The following SLC25A26 variants were observed in gnomAD, a reference collection of about 807,000 sequenced individuals.
The protein encoded by SLC25A26 is mitochondrial S-adenosylmethionine carrier protein.
In SLC25A26, 36 loss-of-function variants were observed where a neutral mutation model predicts 37.8. That is an observed-to-expected ratio of 0.95 (90% CI 0.73 to 1.26). The LOEUF (loss-of-function observed/expected upper bound fraction) is 1.26. Among genes scored for constraint, SLC25A26 ranks in the 50% most tolerant of loss-of-function variants. The pLI is 0.00. For missense variants in SLC25A26, 390 were observed against 331.1 expected, an observed-to-expected ratio of 1.18 and a Z score of -1.38; for synonymous variants, 129 against 122.5, an observed-to-expected ratio of 1.05 and a Z score of -0.35.
At chr3:66,317,147 C>G (rs1369504912) in intron 5 of SLC25A26, among the ~76,000 whole-genome samples, 2 of 152,178 alleles carry the variant, frequency 1.3e-5, no homozygotes, top group Non-Finnish European at 2.9e-5. Flanking sequence ...TGTGCCCTTG[C>G]TGGAGACATG....
chr3:66,314,064 A>C (rs1430990945), intron 5 of SLC25A26, among the ~76,000 whole-genome samples: 1 of 152,200 alleles, frequency 6.6e-6, no homozygotes, highest in Non-Finnish European at 1.5e-5. Context: ...TGTCATCTGC[A>C]AACAGAGACA....
At chr3:66,374,104 C>T (rs1307825952) in intron 9 of SLC25A26, among the ~76,000 whole-genome samples, 1 of 152,224 alleles carries the variant, frequency 6.6e-6, no homozygotes, top group Non-Finnish European at 1.5e-5. Context: ...TTTTCACTGG[C>T]ATATGCACTA....
chr3:66,225,069 G>T (rs1269987812), intron 1 of SLC25A26, among the ~76,000 whole-genome samples: 1 of 152,140 alleles, frequency 6.6e-6, no homozygotes, highest in African/African-American at 2.4e-5. Context: ...CAGGGTTCAA[G>T]CTGTCAGTGG....
At chr3:66,304,340 T>C (rs764296811) in intron 5 of SLC25A26, 79 of 432,404 alleles carry the variant, frequency 1.8e-4, no homozygotes, top group Non-Finnish European at 2.4e-4. Flanking sequence ...AAAAAGATTC[T>C]GGAGCATACT....
At chr3:66,290,869 G>T (rs781713706) in intron 5 of SLC25A26, among the ~76,000 whole-genome samples, 48 of 152,130 alleles carry the variant, frequency 3.2e-4, no homozygotes, top group Non-Finnish European at 5.9e-4. Context: ...CTATTGTTTG[G>T]AATAGTTTCA....
At chr3:66,219,380 A>G (rs911018805), upstream of SLC25A26, among the ~76,000 whole-genome samples, 14 of 152,178 alleles carry the variant, frequency 9.2e-5, no homozygotes, top group Non-Finnish European at 1.8e-4. Context: ...TGGCAAAAGG[A>G]ATTTTTCAGA....
At chr3:66,204,176 A>G (rs1283803662) in intron 1 of SLC25A26, among the ~76,000 whole-genome samples, 2 of 152,302 alleles carry the variant, frequency 1.3e-5, no homozygotes, top group South Asian at 2.1e-4. Flanking sequence ...CTGTAATCCC[A>G]GCACTTTGGG....
intron 5 of SLC25A26, among the ~76,000 whole-genome samples, chr3:66,276,494 G>GT (rs2074151982): frequency 6.6e-6 from 1 of 152,198 alleles, no homozygotes; most frequent in South Asian, 2.1e-4. Context: ...GGATTCTAAA[G>GT]GATAGAAATG....
At chr3:66,257,777 A>G (rs2073362174) in intron 3 of SLC25A26, among the ~76,000 whole-genome samples, 1 of 152,102 alleles carries the variant, frequency 6.6e-6, no homozygotes, top group Non-Finnish European at 1.5e-5. Flanking sequence ...ACACCTAGCC[A>G]TCTTCACACG....
intron 5 of SLC25A26, among the ~76,000 whole-genome samples, chr3:66,320,960 T>C (rs1341299559): frequency 1.3e-5 from 2 of 152,186 alleles, no homozygotes; most frequent in African/African-American, 4.8e-5. Flanking sequence ...AATTCTTACA[T>C]TGAAGTTCCA....
At chr3:66,239,818 T>TTC (rs1242405927) in intron 2 of SLC25A26, among the ~76,000 whole-genome samples, 1 of 91,292 alleles carries the variant, frequency 1.1e-5, no homozygotes, top group African/African-American at 4.3e-5. Context: ...CTTTCTTTCT[T>TTC]TTTTTTTTTT....
chr3:66,353,224 A>AT (rs1026900293), intron 6 of SLC25A26, among the ~76,000 whole-genome samples: 21 of 152,238 alleles, frequency 1.4e-4, no homozygotes, highest in African/African-American at 4.6e-4. Context: ...TTACCAGGTG[A>AT]TTTTTTAGTG....
chr3:66,297,634 G>T (rs1445611263), intron 5 of SLC25A26, among the ~76,000 whole-genome samples: 1 of 152,118 alleles, frequency 6.6e-6, no homozygotes, highest in Non-Finnish European at 1.5e-5. Context: ...TGACCTGTGG[G>T]CCTAATCCAG....
chr3:66,259,421 C>A (rs2073434450), intron 3 of SLC25A26, among the ~76,000 whole-genome samples: 3 of 152,126 alleles, frequency 2.0e-5, no homozygotes, highest in Admixed American at 6.5e-5. Flanking sequence ...CCTTACCTGT[C>A]CCCCAGACTT....
intron 1 of SLC25A26, among the ~76,000 whole-genome samples, chr3:66,182,291 G>T (rs141689421): frequency 0.22 from 33,915 of 152,048 alleles, 4,427 homozygotes; most frequent in South Asian, 0.37. Flanking sequence ...ATTTCATATT[G>T]CAATTTGTTA....
intron 1 of SLC25A26, among the ~76,000 whole-genome samples, chr3:66,196,762 T>A (rs2071049895): frequency 6.6e-6 from 1 of 152,190 alleles, no homozygotes; most frequent in African/African-American, 2.4e-5. Flanking sequence ...ATACCCTATA[T>A]AATCAACCAT....
Position 66,337,452 on chromosome 3 carries a change from A to T in SLC25A26, c.454-8912A>T, listed in dbSNP as rs1331013637. On this transcript the variant is annotated intron_variant, in intron 5 of 9. Transcript: ENST00000354883. ...AATAAGCCATCAATGAGGGACAGTT[A>T]AATATTATGAAATTCTCTGCATTAG... Among the ~76,000 whole-genome samples, 10 of 152,260 alleles carry T rather than the reference A, an allele frequency of 6.6e-5. No individual in the cohort carries two copies. The East Asian group carries it at 1.9e-3, about 29-fold the overall frequency.
intron 1 of SLC25A26, among the ~76,000 whole-genome samples, chr3:66,206,898 T>G (rs1001988864): frequency 2.7e-5 from 4 of 147,596 alleles, no homozygotes; most frequent in Non-Finnish European, 4.5e-5. Flanking sequence ...TTCTTTCTTT[T>G]TTTTTTTTTT....
chr3:66,346,918 G>A (rs332353), intron 6 of SLC25A26, among the ~76,000 whole-genome samples: 82,881 of 151,882 alleles, frequency 0.55, 24,832 homozygotes, highest in African/African-American at 0.79. Flanking sequence ...TGTCCCTTCC[G>A]TCTTGGTTGC....
Sources: gnomAD v4.1 joint callset for allele counts (sites outside exome capture counted in the v4.1 genomes callset) on GRCh38, gnomAD v4.1.1 for gene constraint, MANE v1.5 for transcripts, NCBI Gene and HGNC (gene_info 2026-07-23, HGNC 2026-07-21) for gene names.